Variants in HECTD4 observed in about 807,000 individuals in gnomAD.
HECTD4 encodes probable E3 ubiquitin-protein ligase HECTD4.
Under a neutral mutation model 471.5 loss-of-function variants are expected in HECTD4, and 114 were observed. The ratio of observed to expected loss-of-function variants is 0.24; its 90% CI spans 0.21 to 0.28. The LOEUF (loss-of-function observed/expected upper bound fraction) is 0.28, where lower values mean the gene tolerates loss of function less well. Ranked by LOEUF, HECTD4 falls within the 10% of genes least tolerant of loss-of-function variation. The pLI is 1.00. For missense variants in HECTD4, 3,866 were observed against 5,651.5 expected (o/e 0.68, Z 10.13); for synonymous variants, 2,012 against 2,256.0 (o/e 0.89, Z 3.07).
At chr12:112,261,083 A>G (rs778406206) in intron 18 of HECTD4, among the ~76,000 whole-genome samples, 4 of 152,032 alleles carry the variant, frequency 2.6e-5, no homozygotes, top group Non-Finnish European at 5.9e-5. Context: ...GCCCTCCACA[A>G]CCTCGCTACC....
chr12:112,296,427 G>A (rs918447801), intron 7 of HECTD4, among the ~76,000 whole-genome samples: 12 of 151,706 alleles, frequency 7.9e-5, no homozygotes, highest in African/African-American at 2.9e-4. Context: ...GGTGCAGAGG[G>A]TGTAGGTGCA....
At chr12:112,238,603 G>A (rs2033569052) in intron 34 of HECTD4, among the ~76,000 whole-genome samples, 1 of 152,082 alleles carries the variant, frequency 6.6e-6, no homozygotes, top group African/African-American at 2.4e-5. Context: ...TGGTGAGTGC[G>A]CCTATAGTCC....
chr12:112,242,343 T>TG (rs1277025383), intron 32 of HECTD4, among the ~76,000 whole-genome samples: 1 of 152,210 alleles, frequency 6.6e-6, no homozygotes, highest in Non-Finnish European at 1.5e-5. Context: ...CCAGGTGTGG[T>TG]GGCTCATGCC....
At chr12:112,321,551 GCCAGGTCT>G (rs2035584390) in intron 1 of HECTD4, among the ~76,000 whole-genome samples, 1 of 152,150 alleles carries the variant, frequency 6.6e-6, no homozygotes, top group African/African-American at 2.4e-5. Flanking sequence ...AGAAAATTCT[GCCAGGTCT>G]TTGGCACTGA....
intron 2 of HECTD4, among the ~76,000 whole-genome samples, chr12:112,316,634 G>C (rs1221556889): frequency 6.6e-6 from 1 of 152,108 alleles, no homozygotes; most frequent in East Asian, 1.9e-4. Context: ...CTAAGACCGG[G>C]CAAGATTCCT....
intron 13 of HECTD4, among the ~76,000 whole-genome samples, chr12:112,268,020 C>T (rs1396221727): frequency 6.6e-6 from 1 of 152,106 alleles, no homozygotes; most frequent in Non-Finnish European, 1.5e-5. Flanking sequence ...GAGACAAGGT[C>T]TTACTATGTT....
intron 5 of HECTD4, 98 bp downstream of exon 5, chr12:112,309,463 A>G: frequency 1.7e-6 from 1 of 590,254 alleles, no homozygotes; most frequent in Non-Finnish European, 3.0e-6. Context: ...TTACTAGTCT[A>G]TGGGGAGCTG....
chr12:112,368,282 C>T (rs1329744466), intron 1 of HECTD4, among the ~76,000 whole-genome samples: 2 of 152,170 alleles, frequency 1.3e-5, no homozygotes, highest in Non-Finnish European at 2.9e-5. Flanking sequence ...TTCTAAACTA[C>T]AAGCTCCATG....
chr12:112,291,601 A>G (rs1321626850), intron 7 of HECTD4, among the ~76,000 whole-genome samples: 1 of 152,092 alleles, frequency 6.6e-6, no homozygotes, highest in Non-Finnish European at 1.5e-5. Flanking sequence ...AGCCAGGCGC[A>G]GTGGCTCACA....
In HECTD4 at chr12:112,185,091, G is replaced by A; in HGVS notation, c.9875C>T (p.Ser3292Phe). The change falls in exon 61 of 76, where the codon TCC (serine) becomes TTC (phenylalanine). Residue 3292 changes from serine (S) to phenylalanine (F), a missense_variant. Physicochemically the swap from Ser to Phe is radical, Grantham distance 155. Transcript: ENST00000682272. ...TCCTGGGGAGGACGAGGAGGAGGAG[G>A]ACGAGTCACTGAGATTTGGGGCGGT... Reference protein sequence around the residue: ...SATAPNLSDSSSSSSSSPGQT... With the variant: ...SATAPNLSDSFSSSSSSPGQT... 1 of 1,574,484 alleles carries A rather than the reference G, an allele frequency of 6.4e-7. No individual in the cohort carries two copies. The highest frequency in any genetic ancestry group is 8.6e-7 in the Non-Finnish European group (1 of 1,159,530).
chr12:112,235,305 GTGT>G lies in HECTD4; in HGVS notation c.5726-42_5726-40del, dbSNP rs1368036275. ...ACAAAGCTCATTCAGGAAAACTGCAGTGTTGTTTTGGCGGCTCTGCTAAAATGA... is the reference window on the plus strand; with the variant it reads ...ACAAAGCTCATTCAGGAAAACTGCAGTGTTTTGGCGGCTCTGCTAAAATGA... On this transcript the variant is annotated intron_variant, in intron 36 of 75. Transcript: ENST00000682272. The surrounding 1 kb of genome is among the most constrained non-coding windows in gnomAD (Gnocchi z 5.0). 1 of 1,581,448 alleles carries G rather than the reference GTGT, an allele frequency of 6.3e-7. No homozygotes were observed. Among genetic ancestry groups the G allele is most frequent in the Non-Finnish European group, 8.6e-7 (1 of 1,163,758 alleles).
chr12:112,330,705 T>C (rs2035830000), intron 1 of HECTD4, among the ~76,000 whole-genome samples: 1 of 152,238 alleles, frequency 6.6e-6, no homozygotes, highest in Non-Finnish European at 1.5e-5. Flanking sequence ...AAATGTTTGA[T>C]AAATTAATGA....
chr12:112,315,917 A>AAG (rs1594037516), intron 2 of HECTD4, among the ~76,000 whole-genome samples: 3 of 151,382 alleles, frequency 2.0e-5, no homozygotes, highest in South Asian at 2.1e-4. Flanking sequence ...AAAAAAAAAA[A>AAG]AGAGAGACAG....
intron 7 of HECTD4, among the ~76,000 whole-genome samples, chr12:112,289,863 G>C (rs993946660): frequency 1.4e-4 from 22 of 152,026 alleles, no homozygotes; most frequent in African/African-American, 5.3e-4. Context: ...TTTTAGTAGA[G>C]ACAGGGTTTC....
intron 18 of HECTD4, among the ~76,000 whole-genome samples, chr12:112,259,937 T>TC: frequency 6.6e-6 from 1 of 151,852 alleles, no homozygotes; most frequent in South Asian, 2.1e-4. Flanking sequence ...GCAGATTTCT[T>TC]CCCCCAATTT....
chr12:112,374,207 C>T (rs1022450372), intron 1 of HECTD4, among the ~76,000 whole-genome samples: 2 of 151,952 alleles, frequency 1.3e-5, no homozygotes, highest in Non-Finnish European at 2.9e-5. Flanking sequence ...CACCGGTAGT[C>T]CCAGCTACTC....
At chr12:112,335,129 TA>T (rs1172265880) in intron 1 of HECTD4, among the ~76,000 whole-genome samples, 4 of 129,120 alleles carry the variant, frequency 3.1e-5, no homozygotes, top group Admixed American at 8.2e-5. Context: ...AACAAGTGGA[TA>T]AAGAAACTGT....
In HECTD4 at chr12:112,221,998, A is replaced by G. The variant is rs577105519; in HGVS notation, c.6971-2509T>C. 2.0e-5 allele frequency among the ~76,000 whole-genome samples: 3 copies of G among 148,460 alleles called. No homozygotes were observed. In the South Asian group the frequency reaches 6.4e-4, roughly 32 times the overall value. ...GAGTGCAGTGGTGTGATCTCGGCTC[A>G]CTGCAACCTCTGCCTCCTGGGTTCA... On this transcript the variant is annotated intron_variant, in intron 44 of 75. Coordinates refer to ENST00000682272, the MANE Select transcript of HECTD4 (RefSeq NM_001388303.1).
At chr12:112,200,880 CGTGCGTGT>C (rs1196605553) in intron 54 of HECTD4, 82 bp from the exon 55 acceptor site, 72 of 1,163,334 alleles carry the variant, frequency 6.2e-5, no homozygotes, top group African/African-American at 7.3e-5. Context: ...TGTGTGCGTG[CGTGCGTGT>C]GTGTGTGTGT....
Sources: gnomAD v4.1 joint callset for allele counts (sites outside exome capture counted in the v4.1 genomes callset) on GRCh38, gnomAD v4.1.1 for gene constraint, Gnocchi (gnomAD v3.1) non-coding constraint, MANE v1.5 for transcripts, NCBI Gene and HGNC (gene_info 2026-07-23, HGNC 2026-07-21) for gene names.